The following CYP2A13 variants were observed in gnomAD, a reference collection of about 807,000 sequenced individuals.
The protein encoded by CYP2A13 is cytochrome P450 2A13.
Under a neutral mutation model 39.4 loss-of-function variants are expected in CYP2A13, and 30 were observed. The ratio of observed to expected loss-of-function variants is 0.76; its 90% CI spans 0.57 to 1.03. CYP2A13 has a LOEUF of 1.03. Among genes scored for constraint, CYP2A13 ranks in the 50% least tolerant of loss-of-function variants. The pLI is 0.00. For missense variants in CYP2A13, 731 were observed against 648.4 expected, an observed-to-expected ratio of 1.13 and a Z score of -1.38; for synonymous variants, 269 against 254.7, an observed-to-expected ratio of 1.06 and a Z score of -0.54.
At chr19:41,089,240 C>T in intron 2 of CYP2A13, 149 bp downstream of exon 2, 4 of 1,408,854 alleles carry the variant, frequency 2.8e-6, no homozygotes, top group Non-Finnish European at 3.8e-6. Flanking sequence ...ATCGTGGCCT[C>T]TCCCTGTGCG....
In CYP2A13 at chr19:41,093,684, C is replaced by A; in HGVS notation, c.886C>A (p.Leu296Met). The A allele has an allele frequency of 6.2e-7, 1 of 1,614,136 alleles. No individual in the cohort carries two copies. The highest frequency in any genetic ancestry group is 8.5e-7 in the Non-Finnish European group (1 of 1,180,022). The change falls in exon 6 of 9, where the codon CTG becomes ATG. Residue 296 changes from leucine (L) to methionine (M), a missense_variant. Leu to Met is a conservative substitution (Grantham distance 15). Transcript: ENST00000330436. ...CTTGAAGAACCTGGTGATGACCACCCTGAACCTCTTCTTTGCGGGCACTGA... is the reference window on the plus strand; with the variant it reads ...CTTGAAGAACCTGGTGATGACCACCATGAACCTCTTCTTTGCGGGCACTGA... Reference protein sequence around the residue: ...FYLKNLVMTTLNLFFAGTETV... With the variant: ...FYLKNLVMTTMNLFFAGTETV...
At position 41,091,793 on chromosome 19, in the gene CYP2A13, A is replaced by C; in HGVS notation, c.716A>C (p.Lys239Thr). Reference protein sequence around the residue: ...HLPGPQQQAFKELQGLEDFIA... With the variant: ...HLPGPQQQAFTELQGLEDFIA... ...CCAGGACCACAGCAACAGGCCTTTA[A>C]GGAGCTGCAAGGGCTGGAGGACTTC... Residue 239 changes from lysine (K) to threonine (T), a missense_variant, in exon 5 of 9, where the codon AAG (lysine) becomes ACG (threonine). By Grantham distance (78) the Lys-to-Thr change is moderately conservative (BLOSUM62 -1). Coordinates refer to ENST00000330436, the MANE Select transcript of CYP2A13 (RefSeq NM_000766.5). The C allele has an allele frequency of 6.2e-7, 1 of 1,614,158 alleles. No homozygotes were observed. Among genetic ancestry groups the C allele is most frequent in the Non-Finnish European group, 8.5e-7 (1 of 1,180,002 alleles).
In CYP2A13 at chr19:41,095,667, C is replaced by T. The variant is rs1168223001; in HGVS notation, c.1304-93C>T. 6.0e-5 allele frequency: 90 copies of T among 1,502,616 alleles called. No individual in the cohort carries two copies. The East Asian group carries it at 1.9e-3, about 32-fold the overall frequency. The allele number at this position is 1,502,616 out of a possible 1,614,324, so 93.1% of individuals were successfully genotyped here. On this transcript the variant is annotated intron_variant, in intron 8 of 8. Coordinates refer to ENST00000330436, the MANE Select transcript of CYP2A13 (RefSeq NM_000766.5). ...TCTCTCAGGCCATAATATTCCACCC[C>T]TCCTCCCTAGAGAGTGCAGCCGGGG...
chr19:41,089,605 T>C lies in CYP2A13; in HGVS notation c.344-442T>C, dbSNP rs562954334. ...CTCCATATTTTTCTCTCTTCTCCAG[T>C]TCAGCTTAAGAATCTTTCACCATTT... On this transcript the variant is annotated intron_variant, in intron 2 of 8. Transcript: ENST00000330436. Among the ~76,000 whole-genome samples, 203 of 152,040 alleles carry C rather than the reference T, an allele frequency of 1.3e-3. 1 individual carries two copies. Among genetic ancestry groups the C allele is most frequent in the African/African-American group, 1.8e-3 (73 of 41,478 alleles).
intron 2 of CYP2A13, 107 bp downstream of exon 2, chr19:41,089,198 C>T: frequency 6.5e-7 from 1 of 1,543,006 alleles, no homozygotes; most frequent in Non-Finnish European, 8.8e-7. Flanking sequence ...TGGCAGAGCC[C>T]CCTGTCTGGT....
rs781100904 is a variant in CYP2A13, at chr19:41,090,027, C to T, written c.344-20C>T. The T allele has an allele frequency of 5.0e-6, 8 of 1,609,692 alleles. No homozygotes were observed. The highest frequency in any genetic ancestry group is 2.2e-5 in the South Asian group (2 of 90,560). On this transcript the variant is annotated intron_variant, in intron 2 of 8. Transcript: ENST00000330436. ...CCGCCGCCCCCTGACCTCTCTCCACCCCCGCGTTCACCTCCCCAGGCGTGG... is the reference window on the plus strand; with the variant it reads ...CCGCCGCCCCCTGACCTCTCTCCACTCCCGCGTTCACCTCCCCAGGCGTGG...
At position 41,093,726 on chromosome 19, in the gene CYP2A13, C is replaced by T. The variant is rs375265089; in HGVS notation, c.928C>T (p.Leu310=). 1.1e-4 allele frequency: 175 copies of T among 1,613,966 alleles called. 2 individuals carry two copies. Among genetic ancestry groups the T allele is most frequent in the Middle Eastern group, 4.9e-4 (3 of 6,082 alleles). Reference sequence around the variant, plus strand: ...GGGCACTGAGACCGTGAGCACCACCCTGCGCTACGGTTTCCTGCTGCTCAT... The same window carrying T: ...GGGCACTGAGACCGTGAGCACCACCTTGCGCTACGGTTTCCTGCTGCTCAT... ...FAGTETVSTT[L]RYGFLLLMKH... is the part of the protein sequence containing the mutation. The change falls in exon 6 of 9, where the codon CTG becomes TTG. Residue 310 remains leucine (L), a synonymous_variant. Transcript: ENST00000330436.
Position 41,095,839 on chromosome 19 carries a change from C to A in CYP2A13, c.1383C>A (p.Arg461=). The A allele has an allele frequency of 6.2e-7, 1 of 1,614,108 alleles. No individual in the cohort carries two copies. Among genetic ancestry groups the A allele is most frequent in the Non-Finnish European group, 8.5e-7 (1 of 1,179,980 alleles). Residue 461 remains arginine, a synonymous_variant, in exon 9 of 9, where the codon CGC becomes CGA. Coordinates refer to ENST00000330436, the MANE Select transcript of CYP2A13 (RefSeq NM_000766.5). ...TCACCACCATCATGCAGAACTTTCG[C>A]TTCAAGTCCCCTCAGTCGCCTAAGG... ...LFFTTIMQNF[R]FKSPQSPKDI... is the part of the protein sequence containing the mutation.
At chr19:41,095,274 C>G (rs145932841) in intron 8 of CYP2A13, among the ~76,000 whole-genome samples, 174 bp downstream of exon 8, 371 of 152,270 alleles carry the variant, frequency 2.4e-3, no homozygotes, top group Admixed American at 4.3e-3. Context: ...CACCCAATAC[C>G]TGCGCCCAGG....
chr19:41,089,396 C>G (rs899026702), intron 2 of CYP2A13, among the ~76,000 whole-genome samples: 1 of 151,988 alleles, frequency 6.6e-6, no homozygotes, highest in Admixed American at 6.6e-5. Flanking sequence ...CAGCCCTGGT[C>G]CTCTGTCTTC....
Position 41,090,151 on chromosome 19 carries a change from C to G in CYP2A13, c.448C>G (p.Gln150Glu), listed in dbSNP as rs1476827350. 1 of 1,597,542 alleles carries G rather than the reference C, an allele frequency of 6.3e-7. No individual in the cohort carries two copies. Residue 150 changes from glutamine to glutamate, a missense_variant, in exon 3 of 9, where the codon CAG (glutamine) becomes GAG (glutamate). Physicochemically the swap from Gln to Glu is conservative, Grantham distance 29 (BLOSUM62 2). Transcript: ENST00000330436. The stretch of plus-strand genomic sequence containing the variant: ...CAAGCGCGGCATCGAGGAACGCATC[C>G]AGGAGGAGGCGGGCTTCCTCATCGA... The part of the protein sequence containing the change: ...VGKRGIEERI[Q>E]EEAGFLIDAL...
chr19:41,089,528 C>T (rs2144723421), intron 2 of CYP2A13, among the ~76,000 whole-genome samples: 1 of 152,244 alleles, frequency 6.6e-6, no homozygotes, highest in Admixed American at 6.5e-5. Flanking sequence ...CATCTCCAGC[C>T]TCCAACTCCT....
chr19:41,090,943 A>ATACC (rs1427182645), intron 4 of CYP2A13, among the ~76,000 whole-genome samples: 3 of 152,344 alleles, frequency 2.0e-5, no homozygotes, highest in Non-Finnish European at 4.4e-5. Flanking sequence ...CGCCTCCTGC[A>ATACC]TACCTGAACA....
At position 41,090,120 on chromosome 19, in the gene CYP2A13, C is replaced by T. The variant is rs757175323; in HGVS notation, c.417C>T (p.Gly139=). Residue 139 remains glycine, a synonymous_variant, in exon 3 of 9, where the codon GGC becomes GGT. Coordinates refer to ENST00000330436, the MANE Select transcript of CYP2A13 (RefSeq NM_000766.5). ...RFSIATLRGF[G]VGKRGIEERI... The stretch of plus-strand genomic sequence containing the variant: ...CCATCGCCACCCTAAGGGGTTTTGG[C>T]GTGGGCAAGCGCGGCATCGAGGAAC... 1 of 1,602,382 alleles carries T rather than the reference C, an allele frequency of 6.2e-7. No individual in the cohort carries two copies. The highest frequency in any genetic ancestry group is 2.2e-5 in the East Asian group (1 of 44,732).
At position 41,095,009 on chromosome 19, in the gene CYP2A13, C is replaced by T; in HGVS notation, c.1212C>T (p.Phe404=). The change falls in exon 8 of 9, where the codon TTC becomes TTT. Residue 404 remains phenylalanine (F), a synonymous_variant. Coordinates refer to ENST00000330436, the MANE Select transcript of CYP2A13 (RefSeq NM_000766.5). The stretch of plus-strand genomic sequence containing the variant: ...GCTCCGTGCTGAGAGACCCCAGGTT[C>T]TTCTCCAACCCCCGGGACTTCAATC... The part of the protein sequence containing the change: ...MLGSVLRDPR[F]FSNPRDFNPQ... 6.2e-7 allele frequency: 1 copy of T among 1,614,172 alleles called. No homozygotes were observed. The highest frequency in any genetic ancestry group is 2.2e-5 in the East Asian group (1 of 44,872).
In CYP2A13 at chr19:41,088,846, C is replaced by T. The variant is rs1024843335; in HGVS notation, c.181-83C>T. On this transcript the variant is annotated intron_variant, in intron 1 of 8. Transcript: ENST00000330436. ...TGACTGTGAGAACCTGGGGGCGAAGCATCCCAGTACATGATATCTCAGTGC... is the reference window on the plus strand; with the variant it reads ...TGACTGTGAGAACCTGGGGGCGAAGTATCCCAGTACATGATATCTCAGTGC... The T allele has an allele frequency of 4.5e-6, 7 of 1,571,738 alleles. No homozygotes were observed. The African/African-American group carries it at 9.5e-5, about 21-fold the overall frequency.
rs745929748 is a variant in CYP2A13, at chr19:41,090,517, C to A, written c.607C>A (p.Arg203Ser). ...YEDKEFLSLL[R>S]MMLGSFQFTA... Reference sequence around the variant, plus strand: ...GGACAAAGAGTTCCTGTCACTGTTGCGCATGATGCTGGGAAGCTTCCAGTT... The same window carrying A: ...GGACAAAGAGTTCCTGTCACTGTTGAGCATGATGCTGGGAAGCTTCCAGTT... The change falls in exon 4 of 9, where the codon CGC (arginine) becomes AGC (serine). Residue 203 changes from arginine to serine, a missense_variant. Physicochemically the swap from Arg to Ser is moderately radical, Grantham distance 110. Coordinates refer to ENST00000330436, the MANE Select transcript of CYP2A13 (RefSeq NM_000766.5). 16 of 1,614,130 alleles carry A rather than the reference C, an allele frequency of 9.9e-6. No individual in the cohort carries two copies. The African/African-American group carries it at 1.7e-4, about 17-fold the overall frequency.
At chr19:41,089,854 CTCTCTCTCTCTCTCTCTCGTGCT>C (rs2031138306) in intron 2 of CYP2A13, among the ~76,000 whole-genome samples, 170 bp from the exon 3 acceptor site, 4 of 116,408 alleles carry the variant, frequency 3.4e-5, no homozygotes, top group African/African-American at 1.4e-4. Flanking sequence ...CTCTCTCTCT[CTCTCTCTCTCTCTCTCTCGTGCT>C]CTCGTGTTTC....
rs767083638 is a variant in CYP2A13, at chr19:41,094,944, C to T, written c.1162-15C>T. On this transcript the variant is annotated splice_polypyrimidine_tract_variant and intron_variant, in intron 7 of 8. Coordinates refer to ENST00000330436, the MANE Select transcript of CYP2A13 (RefSeq NM_000766.5). ...CAACCTGCCTCATTACACACACCTT[C>T]CTCCTCCCTCCCAGGGCACTGAAGT... 8.1e-6 allele frequency: 13 copies of T among 1,613,730 alleles called. No individual in the cohort carries two copies. Among genetic ancestry groups the T allele is most frequent in the Non-Finnish European group, 1.1e-5 (13 of 1,179,858 alleles).
Sources: allele counts gnomAD v4.1 joint callset (sites outside exome capture counted in the v4.1 genomes callset), GRCh38; gene constraint gnomAD v4.1.1; transcripts MANE v1.5; gene names NCBI Gene and HGNC (gene_info 2026-07-23, HGNC 2026-07-21).